Variants in RPL22 observed in about 807,000 individuals in gnomAD.
RPL22 encodes the protein large ribosomal subunit protein eL22.
Under a neutral mutation model 16.2 loss-of-function variants are expected in RPL22, and 4 were observed. That is an observed-to-expected ratio of 0.25 (90% CI 0.12 to 0.57). RPL22 has a LOEUF of 0.57. Ranked by LOEUF, RPL22 falls within the 20% of genes least tolerant of loss-of-function variation. RPL22 has a pLI of 0.92. For missense variants in RPL22, 83 were observed against 156.1 expected, an observed-to-expected ratio of 0.53 and a Z score of 2.49; for synonymous variants, 43 against 54.8, an observed-to-expected ratio of 0.78 and a Z score of 0.95.
intron 2 of RPL22, among the ~76,000 whole-genome samples, chr1:6,196,565 A>C (rs1667720555): frequency 6.6e-6 from 1 of 152,238 alleles, no homozygotes; most frequent in Non-Finnish European, 1.5e-5. Context: ...GAGAATTTAG[A>C]GCAAATGCAA....
chr1:6,186,851 G>A (rs1364524515), intron 3 of RPL22, 35 bp from the exon 4 acceptor site: 1 of 1,606,266 alleles, frequency 6.2e-7, no homozygotes, highest in Non-Finnish European at 8.5e-7. Flanking sequence ...CCACTAGACA[G>A]TTGGTGCTTG....
chr1:6,195,380 G>A (rs1321956847), intron 2 of RPL22, among the ~76,000 whole-genome samples: 1 of 150,544 alleles, frequency 6.6e-6, no homozygotes, highest in Non-Finnish European at 1.5e-5. Context: ...GGGAGGCGGA[G>A]CTTGCAGTGA....
chr1:6,199,478 C>T, intron 1 of RPL22, 84 bp downstream of exon 1: 2 of 1,525,408 alleles, frequency 1.3e-6, no homozygotes, highest in Non-Finnish European at 1.8e-6. Flanking sequence ...GGGCGCCGTC[C>T]CCAGCGAGCC....
chr1:6,198,713 C>G (rs770803125), intron 1 of RPL22: 12 of 152,200 alleles, frequency 7.9e-5, no homozygotes, highest in Non-Finnish European at 1.2e-4. Context: ...CGTCTCTTCG[C>G]AGTAATAATC....
Position 6,186,524 on chromosome 1 carries a change from T to C in RPL22, c.*148A>G. 1.8e-6 allele frequency: 1 copy of C among 550,540 alleles called. No homozygotes were observed. Among genetic ancestry groups the C allele is most frequent in the Non-Finnish European group, 3.1e-6 (1 of 322,884 alleles). 34.1% of individuals were successfully genotyped at this position (550,540 alleles called of 1,614,324 possible). ...AAAAAAAAAGAAGTCAAGTTACAAA[T>C]AAATGAGTGGCGAACCAAGGGAAGC... is the stretch of plus-strand genomic sequence containing the variant. On this transcript the variant is annotated 3_prime_UTR_variant, in exon 4 of 4. Transcript: ENST00000234875.
chr1:6,187,921 C>T (rs1667602716), intron 3 of RPL22, among the ~76,000 whole-genome samples: 1 of 152,182 alleles, frequency 6.6e-6, no homozygotes, highest in Non-Finnish European at 1.5e-5. Flanking sequence ...GCTCACCACC[C>T]AACACACAGG....
intron 2 of RPL22, among the ~76,000 whole-genome samples, chr1:6,196,014 G>A (rs1667711323): frequency 6.6e-6 from 1 of 152,122 alleles, no homozygotes; most frequent in Non-Finnish European, 1.5e-5. Flanking sequence ...GGTGAGCCGA[G>A]ACTGCACCAT....
At chr1:6,189,437 C>G (rs942837504) in intron 3 of RPL22, among the ~76,000 whole-genome samples, 1 of 151,956 alleles carries the variant, frequency 6.6e-6, no homozygotes, top group South Asian at 2.1e-4. Flanking sequence ...GTGGGGCACT[C>G]GTGTAGTCCC....
At chr1:6,191,998 CAAAAAAA>C (rs548085787) in intron 3 of RPL22, among the ~76,000 whole-genome samples, 12 of 67,130 alleles carry the variant, frequency 1.8e-4, no homozygotes, top group African/African-American at 5.7e-4. Context: ...GACTCGGTTT[CAAAAAAA>C]AAAAAAAAAA....
At chr1:6,193,143 T>A in intron 2 of RPL22, 89 bp from the exon 3 acceptor site, 1 of 1,502,608 alleles carries the variant, frequency 6.7e-7, no homozygotes, top group Non-Finnish European at 9.1e-7. Flanking sequence ...TGAACTAATA[T>A]CATTTTTTGT....
intron 3 of RPL22, among the ~76,000 whole-genome samples, chr1:6,187,603 G>A (rs1294095225): frequency 2.3e-4 from 28 of 123,562 alleles, no homozygotes; most frequent in Non-Finnish European, 4.0e-4. Context: ...GACAGAGCAA[G>A]ACTCCATCTC....
intron 3 of RPL22, among the ~76,000 whole-genome samples, chr1:6,187,451 A>G (rs961009894): frequency 1.3e-5 from 2 of 152,032 alleles, no homozygotes; most frequent in Non-Finnish European, 2.9e-5. Context: ...TATCTCTACT[A>G]AAAATACAAA....
At chr1:6,187,128 T>G (rs1334634199) in intron 3 of RPL22, among the ~76,000 whole-genome samples, 1 of 151,742 alleles carries the variant, frequency 6.6e-6, no homozygotes, top group African/African-American at 2.4e-5. Flanking sequence ...AACAACATGG[T>G]GAAACCCCAT....
chr1:6,199,511 AG>A, intron 1 of RPL22, 50 bp downstream of exon 1: 1 of 1,547,618 alleles, frequency 6.5e-7, no homozygotes. Context: ...GGGCTCGGCG[AG>A]GCCCACGTGC....
At chr1:6,187,320 AG>A (rs1667594482) in intron 3 of RPL22, among the ~76,000 whole-genome samples, 1 of 151,844 alleles carries the variant, frequency 6.6e-6, no homozygotes, top group African/African-American at 2.4e-5. Context: ...AAAAGAAAAA[AG>A]AAAAAAAACT....
chr1:6,187,848 C>A, intron 3 of RPL22, among the ~76,000 whole-genome samples: 1 of 152,110 alleles, frequency 6.6e-6, no homozygotes, highest in East Asian at 1.9e-4. Flanking sequence ...GGAGTCAAAC[C>A]CCCTTTTGAG....
At chr1:6,191,795 C>T (rs1446095642) in intron 3 of RPL22, among the ~76,000 whole-genome samples, 1 of 151,888 alleles carries the variant, frequency 6.6e-6, no homozygotes, top group Non-Finnish European at 1.5e-5. Flanking sequence ...GTTAAGAGTT[C>T]GAGACCAGCC....
intron 2 of RPL22, among the ~76,000 whole-genome samples, chr1:6,193,939 G>C (rs1043651087): frequency 1.3e-5 from 2 of 152,022 alleles, no homozygotes; most frequent in African/African-American, 4.8e-5. Flanking sequence ...ACTTTTACAA[G>C]ATACGCCTGT....
intron 1 of RPL22, 30 bp from the exon 2 acceptor site, chr1:6,197,786 T>C: frequency 3.4e-6 from 5 of 1,472,674 alleles, no homozygotes; most frequent in Non-Finnish European, 4.8e-6. Flanking sequence ...ATAACAGAGA[T>C]GAAGTTTCAG....
Sources: gnomAD v4.1 joint callset for allele counts (sites outside exome capture counted in the v4.1 genomes callset) on GRCh38, gnomAD v4.1.1 for gene constraint, MANE v1.5 for transcripts, NCBI Gene and HGNC (gene_info 2026-07-23, HGNC 2026-07-21) for gene names.